Variants in ZNF219 observed in about 807,000 individuals in gnomAD.
ZNF219 encodes the protein zinc finger protein 219.
In ZNF219, 17 loss-of-function variants were observed where a neutral mutation model predicts 54.4. The ratio of observed to expected loss-of-function variants is 0.31; its 90% CI spans 0.21 to 0.47. ZNF219 has a LOEUF of 0.47. Ranked by LOEUF, ZNF219 falls within the 20% of genes least tolerant of loss-of-function variation. The pLI is 1.00. For missense variants in ZNF219, 1,014 were observed against 1,062.3 expected, an observed-to-expected ratio of 0.95 and a Z score of 0.63; for synonymous variants, 518 against 476.4, an observed-to-expected ratio of 1.09 and a Z score of -1.14.
At chr14:21,099,114 T>A (rs1308533168), upstream of ZNF219, 1 of 247,096 alleles carries the variant, frequency 4.0e-6, no homozygotes, top group Non-Finnish European at 8.2e-6. Flanking sequence ...GCTTACTAAG[T>A]GCCAGGCACT....
At position 21,092,652 on chromosome 14, in the gene ZNF219, G is replaced by A. The variant is rs780289279; in HGVS notation, c.645C>T (p.Pro215=). The A allele has an allele frequency of 6.4e-7, 1 of 1,567,070 alleles. No individual in the cohort carries two copies. Among genetic ancestry groups the A allele is most frequent in the East Asian group, 2.3e-5 (1 of 43,258 alleles). ...CGGAGGTGGCCGCCAGGGGACGCTCGGGAGCCCCGTGGGCCGTCAGGCTGT... is the reference window on the plus strand; with the variant it reads ...CGGAGGTGGCCGCCAGGGGACGCTCAGGAGCCCCGTGGGCCGTCAGGCTGT... ...LHHSLTAHGA[P]ERPLAATSAA... The change falls in exon 3 of 5, where the codon CCC becomes CCT. Residue 215 remains proline, a synonymous_variant. Transcript: ENST00000360947.
Position 21,091,552 on chromosome 14 carries a change from A to C in ZNF219, c.1433-10T>G. 12 of 1,589,662 alleles carry C rather than the reference A, an allele frequency of 7.5e-6. No individual in the cohort carries two copies. The highest frequency in any genetic ancestry group is 1.0e-5 in the Non-Finnish European group (12 of 1,161,288). On this transcript the variant is annotated splice_polypyrimidine_tract_variant and intron_variant, in intron 3 of 4. Coordinates refer to ENST00000360947, the MANE Select transcript of ZNF219 (RefSeq NM_016423.3). ...AACAGCCCATTCTCTTCTGCAACACATACGTTAAGAGGAAGTCAGGGGGGC... is the reference window on the plus strand; with the variant it reads ...AACAGCCCATTCTCTTCTGCAACACCTACGTTAAGAGGAAGTCAGGGGGGC...
chr14:21,093,935 C>T, intron 1 of ZNF219: 1 of 426,702 alleles, frequency 2.3e-6, no homozygotes, highest in Non-Finnish European at 4.4e-6. Context: ...ACAGCTACCA[C>T]CCCACCCCCT....
rs1341663172 is a variant in ZNF219 at position 21,092,158 on chromosome 14, C to T, written c.1139G>A (p.Gly380Asp). ...CTCGCCAGCTCGCAGGCTCAGGTAG[C>T]CCAAGAGGCTCGGGGGCTCACGGCG... is the stretch of plus-strand genomic sequence containing the variant. ...AERREPPSLL[G>D]YLSLRAGEGR... Residue 380 changes from glycine (G) to aspartate (D), a missense_variant, in exon 3 of 5, where the codon GGC (glycine) becomes GAC (aspartate). By Grantham distance (94) the Gly-to-Asp change is moderately conservative (BLOSUM62 -1). Coordinates refer to ENST00000360947, the MANE Select transcript of ZNF219 (RefSeq NM_016423.3). The T allele has an allele frequency of 2.0e-6, 3 of 1,466,560 alleles. No homozygotes were observed. Among genetic ancestry groups the T allele is most frequent in the Non-Finnish European group, 2.7e-6 (3 of 1,114,338 alleles). 90.8% of individuals were successfully genotyped at this position (1,466,560 alleles called of 1,614,324 possible).
At chr14:21,102,010 A>AG (rs1338153314), upstream of ZNF219, 3 of 1,548,848 alleles carry the variant, frequency 1.9e-6, no homozygotes, top group Non-Finnish European at 2.6e-6. Context: ...GGAAGGTCCC[A>AG]GGGCCCCTTC....
In ZNF219 at chr14:21,090,872, G is replaced by T; in HGVS notation, c.1833C>A (p.Ser611Arg). The T allele has an allele frequency of 6.4e-7, 1 of 1,552,476 alleles. No individual in the cohort carries two copies. The highest frequency in any genetic ancestry group is 8.7e-7 in the Non-Finnish European group (1 of 1,150,192). Residue 611 changes from serine to arginine, a missense_variant, in exon 5 of 5, where the codon AGC becomes AGA. Physicochemically the swap from Ser to Arg is moderately radical, Grantham distance 110. Coordinates refer to ENST00000360947, the MANE Select transcript of ZNF219 (RefSeq NM_016423.3). The surrounding 1 kb of genome is among the most constrained non-coding windows in gnomAD (Gnocchi z 4.4). Reference sequence around the variant, plus strand: ...GCCCGTTGCGCAGGGTCCTCCCAGGGCTGGCGGGCTTCCGACGGGACCCCG... The same window carrying T: ...GCCCGTTGCGCAGGGTCCTCCCAGGTCTGGCGGGCTTCCGACGGGACCCCG... ...AGPGSRRKPA[S>R]PGRTLRNGRG...
chr14:21,090,513 A>G lies in ZNF219; in HGVS notation c.*23T>C. On this transcript the variant is annotated 3_prime_UTR_variant, in exon 5 of 5. Coordinates refer to ENST00000360947, the MANE Select transcript of ZNF219 (RefSeq NM_016423.3). This position sits in a 1 kb window ranked among gnomAD's most constrained non-coding sequence, Gnocchi z 4.4. The stretch of plus-strand genomic sequence containing the variant: ...CCGCTCCGGCGGGGTAAGCTCACTA[A>G]GCTAATCGCCCCTGAGGGCCCACTA... 6.4e-7 allele frequency: 1 copy of G among 1,568,082 alleles called. No homozygotes were observed. Among genetic ancestry groups the G allele is most frequent in the South Asian group, 1.2e-5 (1 of 86,302 alleles).
In ZNF219 at chr14:21,093,061, T is replaced by A; in HGVS notation, c.236A>T (p.His79Leu). Residue 79 changes from histidine to leucine, a missense_variant, in exon 3 of 5, where the codon CAC becomes CTC. Physicochemically the swap from His to Leu is moderately conservative, Grantham distance 99 (BLOSUM62 -3). Transcript: ENST00000360947. ...NSILALHLRAHPGAQAFQCPH... is the reference protein window; with the variant it reads ...NSILALHLRALPGAQAFQCPH... ...GCACTGGAAGGCCTGGGCTCCTGGG[T>A]GCGCCCGCAGGTGCAAAGCAAGGAT... is the stretch of plus-strand genomic sequence containing the variant. 6.2e-7 allele frequency: 1 copy of A among 1,600,642 alleles called. No individual in the cohort carries two copies. The highest frequency in any genetic ancestry group is 8.5e-7 in the Non-Finnish European group (1 of 1,175,374).
intron 2 of ZNF219, 82 bp from the exon 3 acceptor site, chr14:21,093,372 G>A: frequency 6.7e-7 from 1 of 1,502,062 alleles, no homozygotes; most frequent in Non-Finnish European, 8.9e-7. Flanking sequence ...GGGCCAGAAG[G>A]ACAACACGAG....
At chr14:21,098,750 A>C (rs1184177050), upstream of ZNF219, 3 of 1,242,164 alleles carry the variant, frequency 2.4e-6, no homozygotes, top group Non-Finnish European at 3.1e-6. Flanking sequence ...TTGAAAGGTC[A>C]TCTCGTCCTT....
chr14:21,091,213 T>C lies in ZNF219; in HGVS notation c.1565-73A>G. ...GCACCCACCCGAATTTCGCCCAATT[T>C]ACAGACCTCATTCTCAGAACCAAGA... is the stretch of plus-strand genomic sequence containing the variant. On this transcript the variant is annotated intron_variant, in intron 4 of 4. Transcript: ENST00000360947. 8 of 1,527,066 alleles carry C rather than the reference T, an allele frequency of 5.2e-6. 1 individual carries two copies. In the South Asian group the frequency reaches 7.4e-5, roughly 14 times the overall value. 94.6% of individuals were successfully genotyped at this position (1,527,066 alleles called of 1,614,324 possible).
In ZNF219 at chr14:21,098,437, C is replaced by G. The variant is rs1468577281; in HGVS notation, c.-209G>C. 8 of 703,542 alleles carry G rather than the reference C, an allele frequency of 1.1e-5. No homozygotes were observed. Among genetic ancestry groups the G allele is most frequent in the Non-Finnish European group, 1.2e-5 (7 of 577,252 alleles). The allele number at this position is 703,542 out of a possible 1,614,324, so 43.6% of individuals were successfully genotyped here. A position where few individuals can be genotyped will look rare whatever the true frequency, so the allele number is the denominator to read the frequency against. ...GATGCGCCGGGCCCCGGCCCCCCCG[C>G]CCCCGGCCCGGCCCCCGCCCCCTCC... On this transcript the variant is annotated 5_prime_UTR_variant, in exon 1 of 5. Transcript: ENST00000360947.
chr14:21,091,037 G>C lies in ZNF219; in HGVS notation c.1668C>G (p.Ala556=), dbSNP rs1167186213. 6.4e-7 allele frequency: 1 copy of C among 1,554,418 alleles called. No individual in the cohort carries two copies. The highest frequency in any genetic ancestry group is 8.6e-7 in the Non-Finnish European group (1 of 1,156,346). ...QRHHREQRSG[A]GPGPPPEPPP... is the part of the protein sequence containing the mutation. ...GTGGCTCCGGGGGTGGCCCGGGGCC[G>C]GCCCCGCTCCTCTGCTCCCGGTGGT... The change falls in exon 5 of 5, where the codon GCC becomes GCG. Residue 556 remains alanine, a synonymous_variant. Transcript: ENST00000360947.
chr14:21,098,979 T>G (rs1889481091), upstream of ZNF219: 2 of 553,804 alleles, frequency 3.6e-6, no homozygotes, highest in Admixed American at 4.4e-5. Flanking sequence ...TAAGAAACAT[T>G]ATTAAAGTTA....
chr14:21,103,107 A>G (rs1234060827), upstream of ZNF219: 2 of 1,551,636 alleles, frequency 1.3e-6, no homozygotes, highest in East Asian at 4.9e-5. Flanking sequence ...TCTCACCTCT[A>G]CAATTTGCTC....
At position 21,091,508 on chromosome 14, in the gene ZNF219, A is replaced by G; in HGVS notation, c.1467T>C (p.Pro489=). The G allele has an allele frequency of 1.2e-6, 2 of 1,608,010 alleles. No individual in the cohort carries two copies. The highest frequency in any genetic ancestry group is 1.1e-5 in the South Asian group (1 of 90,974). ...TGCCGGTGGCGCCCCGGCCCCCTTC[A>G]GGCCGGGTCCCTCCAACCAACAGCC... is the stretch of plus-strand genomic sequence containing the variant. The part of the protein sequence containing the change: ...ENGLLVGGTR[P]EGGRGATGKD... Residue 489 remains proline, a synonymous_variant, in exon 4 of 5, where the codon CCT becomes CCC. Transcript: ENST00000360947.
chr14:21,102,087 T>C (rs1210643483), upstream of ZNF219: 4 of 1,551,238 alleles, frequency 2.6e-6, no homozygotes, highest in South Asian at 4.8e-5. Flanking sequence ...GGACTGTCAC[T>C]CTGGAGCTTC....
upstream of ZNF219, among the ~76,000 whole-genome samples, chr14:21,099,428 G>A (rs117522219): frequency 0.015 from 2,324 of 152,268 alleles, 31 homozygotes; most frequent in Middle Eastern, 0.027. Flanking sequence ...CGTGGGAATT[G>A]AGGAGGAGTA....
At chr14:21,095,661 C>A (rs1412184082) in intron 1 of ZNF219, among the ~76,000 whole-genome samples, 1 of 152,130 alleles carries the variant, frequency 6.6e-6, no homozygotes, top group Non-Finnish European at 1.5e-5. Context: ...CACCTCAGTA[C>A]CATAGATAGA....
Sources: gnomAD v4.1 joint callset for allele counts (sites outside exome capture counted in the v4.1 genomes callset) on GRCh38, gnomAD v4.1.1 for gene constraint, Gnocchi (gnomAD v3.1) non-coding constraint, MANE v1.5 for transcripts, NCBI Gene and HGNC (gene_info 2026-07-23, HGNC 2026-07-21) for gene names.